HSF2BP: variants seen among roughly 807,000 people sequenced by gnomAD.
The protein encoded by HSF2BP is heat shock factor 2-binding protein.
HSF2BP carries 35 observed loss-of-function variants against 35.0 expected under a neutral mutation model. The observed-to-expected ratio is 1.00, with a 90% confidence interval of 0.76 to 1.32. The LOEUF (loss-of-function observed/expected upper bound fraction) is 1.32. HSF2BP is among the 40% of genes most tolerant of loss of function. The pLI is 0.00. For synonymous variants in HSF2BP, 114 were observed against 117.4 expected (o/e 0.97, Z 0.18); for missense variants, 326 against 321.7 (o/e 1.01, Z -0.10).
At chr21:43,614,773 G>A (rs1555868068) in intron 6 of HSF2BP, among the ~76,000 whole-genome samples, 1 of 152,166 alleles carries the variant, frequency 6.6e-6, no homozygotes, top group African/African-American at 2.4e-5. Flanking sequence ...TAGGTATAAT[G>A]CAAGTATTCC....
At chr21:43,585,563 T>C (rs2081839159) in intron 8 of HSF2BP, among the ~76,000 whole-genome samples, 1 of 151,522 alleles carries the variant, frequency 6.6e-6, no homozygotes, top group African/African-American at 2.4e-5. Context: ...GGGAATCGCT[T>C]GAACCCAGGA....
the HSF2BP span, among the ~76,000 whole-genome samples, chr21:43,496,522 TTA>T: frequency 4.3e-5 from 2 of 46,830 alleles, no homozygotes; most frequent in Non-Finnish European, 9.0e-5. Context: ...TAAAGAAATT[TTA>T]AAATCCATTC....
intron 7 of HSF2BP, among the ~76,000 whole-genome samples, chr21:43,609,011 AG>A (rs2082169766): frequency 6.6e-6 from 1 of 152,186 alleles, no homozygotes; most frequent in Non-Finnish European, 1.5e-5. Flanking sequence ...GCAAAGACAT[AG>A]AATCAACCCA....
chr21:43,575,701 T>C (rs1490867270), intron 8 of HSF2BP, among the ~76,000 whole-genome samples: 1 of 152,188 alleles, frequency 6.6e-6, no homozygotes, highest in African/African-American at 2.4e-5. Context: ...TGAGCTAATG[T>C]TAGGATCCCA....
At chr21:43,650,674 G>A (rs994415506) in intron 3 of HSF2BP, among the ~76,000 whole-genome samples, 4 of 150,612 alleles carry the variant, frequency 2.7e-5, no homozygotes, top group African/African-American at 9.8e-5. Context: ...CAAGTCAAAT[G>A]GAGGTTCCTA....
At chr21:43,629,604 G>A (rs988765699) in intron 6 of HSF2BP, among the ~76,000 whole-genome samples, 3 of 152,106 alleles carry the variant, frequency 2.0e-5, no homozygotes, top group African/African-American at 7.2e-5. Flanking sequence ...ACAGGAGTTC[G>A]GAAGAAGTTG....
chr21:43,602,268 A>T (rs574174903), intron 7 of HSF2BP, among the ~76,000 whole-genome samples: 13 of 152,226 alleles, frequency 8.5e-5, no homozygotes, highest in Non-Finnish European at 1.6e-4. Context: ...ATTTTGTGGA[A>T]ACACTTCTAG....
intron 3 of HSF2BP, among the ~76,000 whole-genome samples, chr21:43,645,689 C>T (rs1440752336): frequency 1.3e-5 from 2 of 152,140 alleles, no homozygotes; most frequent in East Asian, 1.9e-4. Flanking sequence ...AAGAGCCAGG[C>T]GCCTGGAAAA....
intron 7 of HSF2BP, among the ~76,000 whole-genome samples, chr21:43,603,538 G>A (rs2082077056): frequency 6.6e-6 from 1 of 152,240 alleles, no homozygotes; most frequent in Non-Finnish European, 1.5e-5. Flanking sequence ...CCTGCACACA[G>A]TTCTGTCAAG....
chr21:43,606,848 G>A (rs1055407714), intron 7 of HSF2BP, among the ~76,000 whole-genome samples: 3 of 152,152 alleles, frequency 2.0e-5, no homozygotes, highest in African/African-American at 7.2e-5. Flanking sequence ...AAAAAAATTC[G>A]CATGAGATTG....
chr21:43,633,198 C>A, intron 5 of HSF2BP, 74 bp downstream of exon 5: 2 of 1,469,886 alleles, frequency 1.4e-6, no homozygotes, highest in South Asian at 1.4e-5. Context: ...CTTTAAATGC[C>A]TTAATAAGCT....
intron 7 of HSF2BP, among the ~76,000 whole-genome samples, chr21:43,598,828 A>C (rs1454564516): frequency 6.6e-6 from 1 of 152,204 alleles, no homozygotes; most frequent in Non-Finnish European, 1.5e-5. Flanking sequence ...TTCCAAGAAA[A>C]GTTCCTGCTT....
chr21:43,658,377 A>T (rs370216220), intron 1 of HSF2BP, 57 bp from the exon 2 acceptor site: 152 of 492,510 alleles, frequency 3.1e-4, no homozygotes, highest in African/African-American at 2.8e-3. Context: ...AATAAATCGG[A>T]TGGGTCCTTT....
chr21:43,653,219 AAGGGAAGGGAAGGG>A (rs2082818160), intron 3 of HSF2BP, among the ~76,000 whole-genome samples: 2 of 115,296 alleles, frequency 1.7e-5, no homozygotes, highest in Admixed American at 1.9e-4. Flanking sequence ...AGGGAAGGGG[AAGGGAAGGGAAGGG>A]GAAGGGAAGG....
At chr21:43,652,200 C>T (rs529504945) in intron 3 of HSF2BP, among the ~76,000 whole-genome samples, 6 of 152,016 alleles carry the variant, frequency 3.9e-5, no homozygotes, top group African/African-American at 2.4e-5. Context: ...GTCAGGAGAT[C>T]GAGACCAGCG....
intron 8 of HSF2BP, among the ~76,000 whole-genome samples, chr21:43,582,612 G>C (rs1217648126): frequency 4.9e-5 from 2 of 40,528 alleles, no homozygotes; most frequent in Non-Finnish European, 4.9e-5. Context: ...GGCCTGCTGA[G>C]GGAGATGAAG....
intron 6 of HSF2BP, among the ~76,000 whole-genome samples, chr21:43,616,788 G>C (rs977419650): frequency 5.3e-5 from 8 of 151,994 alleles, no homozygotes; most frequent in Admixed American, 2.6e-4. Flanking sequence ...AAAATTAGCC[G>C]GGCGCGGTGG....
intron 4 of HSF2BP, among the ~76,000 whole-genome samples, chr21:43,637,369 A>G (rs1021172741): frequency 6.6e-6 from 1 of 152,200 alleles, no homozygotes; most frequent in Non-Finnish European, 1.5e-5. Flanking sequence ...ATCTAAAGAG[A>G]CAGAAAGATC....
chr21:43,626,730 A>T (rs1214079256), intron 6 of HSF2BP, among the ~76,000 whole-genome samples: 1 of 152,174 alleles, frequency 6.6e-6, no homozygotes, highest in Non-Finnish European at 1.5e-5. Flanking sequence ...GTGCACAAAT[A>T]AACTCTGTAC....
Sources: allele counts gnomAD v4.1 joint callset (sites outside exome capture counted in the v4.1 genomes callset), GRCh38; gene constraint gnomAD v4.1.1; transcripts MANE v1.5; gene names NCBI Gene and HGNC (gene_info 2026-07-23, HGNC 2026-07-21).